The following GRID1 variants were observed in gnomAD, a reference collection of about 807,000 sequenced individuals.
GRID1 encodes the protein glutamate ionotropic receptor delta type subunit 1.
GRID1 carries 28 observed loss-of-function variants against 98.0 expected under a neutral mutation model. The ratio of observed to expected loss-of-function variants is 0.29; its 90% CI spans 0.21 to 0.39. GRID1 has a LOEUF of 0.39. Among genes scored for constraint, GRID1 ranks in the 10% least tolerant of loss-of-function variants. The pLI is 1.00. For synonymous variants in GRID1, 553 were observed against 538.5 expected (o/e 1.03, Z -0.37); for missense variants, 1,111 against 1,340.5 (o/e 0.83, Z 2.67).
chr10:86,143,731 C>T (rs1845043993), intron 3 of GRID1, among the ~76,000 whole-genome samples: 1 of 152,244 alleles, frequency 6.6e-6, no homozygotes, highest in African/African-American at 2.4e-5. Flanking sequence ...CACCAGGTCT[C>T]CAGGCACCCA....
At chr10:86,248,940 C>T (rs1039816003) in intron 2 of GRID1, among the ~76,000 whole-genome samples, 3 of 152,194 alleles carry the variant, frequency 2.0e-5, no homozygotes, top group South Asian at 2.1e-4. Context: ...ACACTTGAGC[C>T]GTGCAGGACC....
At chr10:86,243,878 T>C (rs2132043848) in intron 2 of GRID1, among the ~76,000 whole-genome samples, 2 of 152,292 alleles carry the variant, frequency 1.3e-5, no homozygotes, top group African/African-American at 4.8e-5. Context: ...GGACATTTAA[T>C]CCAGCCTTCC....
At chr10:86,341,510 C>A (rs191852297) in intron 2 of GRID1, among the ~76,000 whole-genome samples, 20 of 152,324 alleles carry the variant, frequency 1.3e-4, no homozygotes, top group Admixed American at 9.1e-4. Context: ...CATCCTCCCC[C>A]ACAGGGCTCC....
intron 8 of GRID1, among the ~76,000 whole-genome samples, chr10:85,814,146 C>T (rs928561834): frequency 8.6e-5 from 13 of 151,740 alleles, no homozygotes; most frequent in African/African-American, 3.1e-4. Context: ...AATTTAAAGG[C>T]AGATATTGAT....
intron 3 of GRID1, among the ~76,000 whole-genome samples, chr10:86,176,034 G>A (rs1423999586): frequency 2.0e-5 from 3 of 152,124 alleles, no homozygotes; most frequent in Non-Finnish European, 2.9e-5. Flanking sequence ...TAGTAGAGAC[G>A]GGGTTTCACC....
intron 8 of GRID1, among the ~76,000 whole-genome samples, chr10:85,809,531 G>C (rs1842652114): frequency 6.6e-6 from 1 of 152,156 alleles, no homozygotes; most frequent in Admixed American, 6.5e-5. Flanking sequence ...CAATAGGATG[G>C]ATGACTTTCA....
intron 8 of GRID1, among the ~76,000 whole-genome samples, chr10:85,815,164 T>A (rs538885067): frequency 1.8e-4 from 27 of 152,084 alleles, no homozygotes; most frequent in African/African-American, 6.0e-4. Context: ...ATCATAATCA[T>A]CTCCATGAAC....
At chr10:85,689,835 C>T (rs1841312587) in intron 12 of GRID1, among the ~76,000 whole-genome samples, 1 of 152,128 alleles carries the variant, frequency 6.6e-6, no homozygotes, top group South Asian at 2.1e-4. Context: ...TTGAATTCTA[C>T]CAGTCAAGTT....
rs534249888 is a variant in GRID1, at chr10:85,852,455, C to T, written c.1233+2041G>A. On this transcript the variant is annotated intron_variant, in intron 8 of 15. Transcript: ENST00000327946. ...CAGGCACCTGAGGTGGCCAGCCTGG[C>T]GCCAGGCACAGGACTGGAGGGTCAG... is the stretch of plus-strand genomic sequence containing the variant. Among the ~76,000 whole-genome samples, 5 of 152,204 alleles carry T rather than the reference C, an allele frequency of 3.3e-5. No homozygotes were observed. In the South Asian group the frequency reaches 6.2e-4, roughly 19 times the overall value.
chr10:85,722,387 C>A (rs1052564388), intron 12 of GRID1, among the ~76,000 whole-genome samples: 3 of 151,902 alleles, frequency 2.0e-5, no homozygotes, highest in Non-Finnish European at 4.4e-5. Context: ...TGTCCAAGTT[C>A]TTTTTTTTGT....
intron 8 of GRID1, among the ~76,000 whole-genome samples, chr10:85,851,330 T>C (rs1387146467): frequency 2.0e-5 from 3 of 152,092 alleles, no homozygotes; most frequent in Non-Finnish European, 2.9e-5. Flanking sequence ...AACAGACAAT[T>C]AATATTTTGC....
intron 2 of GRID1, among the ~76,000 whole-genome samples, chr10:86,342,582 G>A (rs1017938049): frequency 1.6e-4 from 25 of 152,342 alleles, no homozygotes; most frequent in African/African-American, 5.8e-4. Context: ...GGCTGGCCAT[G>A]CCCCCAGGAC....
intron 4 of GRID1, among the ~76,000 whole-genome samples, chr10:85,925,841 G>T (rs1253504931): frequency 6.6e-6 from 1 of 152,224 alleles, no homozygotes; most frequent in Non-Finnish European, 1.5e-5. Context: ...CAAGGTTAAT[G>T]CTGTGACCCC....
Position 85,727,970 on chromosome 10 carries a change from G to A in GRID1, c.1418C>T (p.Ala473Val), listed in dbSNP as rs375668822. The A allele has an allele frequency of 3.1e-6, 5 of 1,613,430 alleles. No homozygotes were observed. Reference protein sequence around the residue: ...YKGFSIDVLDALAKALGFKYE... With the variant: ...YKGFSIDVLDVLAKALGFKYE... ...TTTAAAGCCCAGAGCCTTGGCCAGT[G>A]CATCCAGGACATCTATGGAGAACCC... is the stretch of plus-strand genomic sequence containing the variant. The change falls in exon 10 of 16, where the codon GCA (alanine) becomes GTA (valine). Residue 473 changes from alanine to valine, a missense_variant. Around this residue, in one of 3 missense-constraint regions of GRID1, gnomAD observed 762 missense variants for 869.1 expected, o/e 0.88. Coordinates refer to ENST00000327946, the MANE Select transcript of GRID1 (RefSeq NM_017551.3).
intron 4 of GRID1, among the ~76,000 whole-genome samples, chr10:85,920,831 G>T (rs1381556242): frequency 6.6e-6 from 1 of 152,214 alleles, no homozygotes; most frequent in Non-Finnish European, 1.5e-5. Flanking sequence ...GTTCCCTGCT[G>T]TCTGCAGTTA....
intron 14 of GRID1, among the ~76,000 whole-genome samples, chr10:85,617,310 G>A (rs1842803529): frequency 6.7e-6 from 1 of 149,898 alleles, no homozygotes; most frequent in African/African-American, 2.5e-5. Flanking sequence ...TCAGCTCACT[G>A]CAATCTCCAC....
At chr10:85,653,535 A>G (rs1156821252) in intron 12 of GRID1, among the ~76,000 whole-genome samples, 2 of 152,222 alleles carry the variant, frequency 1.3e-5, no homozygotes, top group Non-Finnish European at 2.9e-5. Flanking sequence ...CCTTCCAGGA[A>G]GCCTAGGAAA....
chr10:85,743,132 C>A (rs1325608505), intron 8 of GRID1, among the ~76,000 whole-genome samples: 1 of 125,230 alleles, frequency 8.0e-6, no homozygotes, highest in Non-Finnish European at 1.6e-5. Flanking sequence ...CCATTGAGAA[C>A]CAATTATCTA....
intron 8 of GRID1, among the ~76,000 whole-genome samples, chr10:85,780,710 T>C (rs1303969861): frequency 6.9e-6 from 1 of 145,940 alleles, no homozygotes; most frequent in African/African-American, 2.6e-5. Context: ...TCAGACCCTA[T>C]TTCCACTCTG....
Sources: allele counts gnomAD v4.1 joint callset (sites outside exome capture counted in the v4.1 genomes callset), GRCh38; gene constraint gnomAD v4.1.1; regional missense constraint gnomAD v4.1.1; transcripts MANE v1.5; gene names NCBI Gene and HGNC (gene_info 2026-07-23, HGNC 2026-07-21).